The following PALM2AKAP2 variants were observed in gnomAD, a reference collection of about 807,000 sequenced individuals.
The protein encoded by PALM2AKAP2 is PALM2 and AKAP2 fusion, also known as PALM2-AKAP2 fusion protein.
A neutral mutation model predicts 71.5 loss-of-function variants in PALM2AKAP2; 37 were observed. The observed-to-expected ratio is 0.52, with a 90% CI of 0.40 to 0.68. The LOEUF (loss-of-function observed/expected upper bound fraction) is 0.68. Ranked by LOEUF, PALM2AKAP2 falls within the 30% of genes least tolerant of loss-of-function variation. The pLI is 0.00. For synonymous variants in PALM2AKAP2, 468 were observed against 478.8 expected, an observed-to-expected ratio of 0.98 and a Z score of 0.29; for missense variants, 1,224 against 1,191.8, an observed-to-expected ratio of 1.03 and a Z score of -0.40.
intron 1 of PALM2AKAP2, among the ~76,000 whole-genome samples, chr9:110,093,804 C>T (rs1403627439): frequency 1.3e-5 from 2 of 152,162 alleles, no homozygotes; most frequent in Admixed American, 1.3e-4. Flanking sequence ...CTCCCGTTGA[C>T]CAGACTCATC....
chr9:109,693,481 C>T (rs557756258), intron 1 of PALM2AKAP2, among the ~76,000 whole-genome samples: 5 of 151,838 alleles, frequency 3.3e-5, no homozygotes, highest in Non-Finnish European at 5.9e-5. Context: ...TACTTCCTTT[C>T]TTCCACTTAC....
intron 1 of PALM2AKAP2, among the ~76,000 whole-genome samples, chr9:109,864,271 A>G (rs546091028): frequency 9.8e-5 from 15 of 152,304 alleles, no homozygotes; most frequent in African/African-American, 3.6e-4. Flanking sequence ...TCCTCAGGGG[A>G]AATGTATGAC....
intron 1 of PALM2AKAP2, among the ~76,000 whole-genome samples, chr9:109,816,296 T>C (rs548502620): frequency 6.6e-6 from 1 of 152,164 alleles, no homozygotes; most frequent in African/African-American, 2.4e-5. Flanking sequence ...GTTGAGGATA[T>C]AGGAAGACAG....
intron 1 of PALM2AKAP2, among the ~76,000 whole-genome samples, chr9:110,135,164 A>AAAAAAAATATATATATATATATATATAT: frequency 3.9e-5 from 2 of 51,742 alleles, no homozygotes; most frequent in African/African-American, 1.5e-4. Context: ...AAAAAAAAAA[A>AAAAAAAATATATATATATATATATATAT]ATATATAAAT....
chr9:110,026,157 G>A (rs894544075), intron 7 of PALM2AKAP2, among the ~76,000 whole-genome samples: 8 of 151,982 alleles, frequency 5.3e-5, no homozygotes, highest in African/African-American at 1.9e-4. Context: ...ATGGCTTACT[G>A]CAGCCTCAAC....
chr9:110,040,565 G>T (rs1833494098), intron 7 of PALM2AKAP2, among the ~76,000 whole-genome samples: 1 of 152,112 alleles, frequency 6.6e-6, no homozygotes, highest in Admixed American at 6.5e-5. Flanking sequence ...CCCCTAATAT[G>T]ACTGGAAAAT....
chr9:109,835,615 A>G (rs941445344), intron 1 of PALM2AKAP2, among the ~76,000 whole-genome samples: 1 of 152,094 alleles, frequency 6.6e-6, no homozygotes, highest in South Asian at 2.1e-4. Flanking sequence ...GGGGTCAGGG[A>G]ATTCCCTTTC....
At chr9:109,822,304 CATCT>C (rs765926720) in intron 1 of PALM2AKAP2, among the ~76,000 whole-genome samples, 5 of 143,172 alleles carry the variant, frequency 3.5e-5, no homozygotes, top group South Asian at 2.3e-4. Context: ...TCCATCCATC[CATCT>C]ATCCATCCAT....
At chr9:109,773,400 G>A (rs945013839) in intron 1 of PALM2AKAP2, among the ~76,000 whole-genome samples, 3 of 152,148 alleles carry the variant, frequency 2.0e-5, no homozygotes, top group Non-Finnish European at 2.9e-5. Flanking sequence ...GCCTCCCAAA[G>A]TGCTGGGATT....
At chr9:109,826,141 A>G (rs1001841456) in intron 1 of PALM2AKAP2, among the ~76,000 whole-genome samples, 2 of 149,654 alleles carry the variant, frequency 1.3e-5, no homozygotes, top group African/African-American at 4.9e-5. Context: ...ACATGTTCTC[A>G]CTCATAGGTG....
intron 1 of PALM2AKAP2, among the ~76,000 whole-genome samples, chr9:110,096,042 A>T (rs1020534691): frequency 6.6e-6 from 1 of 152,202 alleles, no homozygotes; most frequent in African/African-American, 2.4e-5. Context: ...GGGCAGTTCC[A>T]TGATACCCTT....
chr9:110,091,751 C>A (rs930031909), intron 1 of PALM2AKAP2, among the ~76,000 whole-genome samples: 4 of 151,976 alleles, frequency 2.6e-5, no homozygotes, highest in Admixed American at 2.0e-4. Context: ...TGTGAGCCAC[C>A]GCGCCCAGCC....
In PALM2AKAP2 at chr9:110,156,229, G is replaced by A. The variant is rs1836451495; in HGVS notation, c.2570-90G>A. Reference sequence around the variant, plus strand: ...TTCTGGTACCACTCTCTGTGTCAGAGGTTGTTGCTCTTTTATTTGCCAGTT... The same window carrying A: ...TTCTGGTACCACTCTCTGTGTCAGAAGTTGTTGCTCTTTTATTTGCCAGTT... On this transcript the variant is annotated intron_variant, in intron 2 of 3. Coordinates refer to ENST00000374525, the Ensembl canonical transcript of PALM2AKAP2. 8 of 1,449,234 alleles carry A rather than the reference G, an allele frequency of 5.5e-6. No homozygotes were observed. In the South Asian group the frequency reaches 6.3e-5, roughly 11 times the overall value. The allele number at this position is 1,449,234 out of a possible 1,614,324, so 89.8% of individuals were successfully genotyped here.
chr9:109,831,142 TACACACACACACACACAC>T (rs111681992), intron 1 of PALM2AKAP2, among the ~76,000 whole-genome samples: 35 of 135,054 alleles, frequency 2.6e-4, no homozygotes, highest in African/African-American at 8.9e-4. Context: ...ATACTTCCCC[TACACACACACACACACAC>T]ACACACACAC....
intron 1 of PALM2AKAP2, among the ~76,000 whole-genome samples, chr9:110,067,270 C>T (rs1177624142): frequency 6.6e-6 from 1 of 152,128 alleles, no homozygotes; most frequent in African/African-American, 2.4e-5. Context: ...TTGAAATACT[C>T]TCATTTTTCT....
intron 6 of PALM2AKAP2, chr9:109,943,895 T>TA (rs1831440631): frequency 6.3e-6 from 1 of 159,492 alleles, no homozygotes. Flanking sequence ...CTGTTGGCTC[T>TA]AGCCGGTTGC....
upstream of PALM2AKAP2, among the ~76,000 whole-genome samples, chr9:110,043,982 G>T (rs1025818524): frequency 6.6e-6 from 1 of 152,066 alleles, no homozygotes; most frequent in Non-Finnish European, 1.5e-5. Flanking sequence ...GCTTCCCAAA[G>T]TGTTGGGATT....
upstream of PALM2AKAP2, among the ~76,000 whole-genome samples, chr9:109,779,718 G>C (rs546117387): frequency 6.6e-6 from 1 of 152,326 alleles, no homozygotes; most frequent in African/African-American, 2.4e-5. Context: ...TTGATATTGA[G>C]AACTTGGTCA....
chr9:110,050,439 C>G (rs1252017511), intron 1 of PALM2AKAP2, among the ~76,000 whole-genome samples: 2 of 152,086 alleles, frequency 1.3e-5, no homozygotes, highest in African/African-American at 2.4e-5. Context: ...TGGCAGCTTC[C>G]CCAACATTCA....
Sources: gnomAD v4.1 joint callset for allele counts (sites outside exome capture counted in the v4.1 genomes callset) on GRCh38, gnomAD v4.1.1 for gene constraint, MANE v1.5 for transcripts, NCBI Gene and HGNC (gene_info 2026-07-23, HGNC 2026-07-21) for gene names.